The following CMIP variants were observed in gnomAD, a reference collection of about 807,000 sequenced individuals.
CMIP encodes the protein c-Maf inducing protein.
A neutral mutation model predicts 97.3 loss-of-function variants in CMIP; 13 were observed. The observed-to-expected ratio is 0.13, with a 90% CI of 0.09 to 0.21. The LOEUF (loss-of-function observed/expected upper bound fraction) is 0.21, where lower values mean the gene tolerates loss of function less well. Among genes scored for constraint, CMIP ranks in the 10% least tolerant of loss-of-function variants. The pLI, the probability that CMIP is intolerant of heterozygous loss-of-function variation, is 1.00. For synonymous variants in CMIP, 538 were observed against 436.3 expected (o/e 1.23, Z -2.91); for missense variants, 847 against 1,024.9 (o/e 0.83, Z 2.37).
At chr16:81,686,773 G>A (rs1228613927) in intron 10 of CMIP, among the ~76,000 whole-genome samples, 1 of 152,104 alleles carries the variant, frequency 6.6e-6, no homozygotes, top group Non-Finnish European at 1.5e-5. Flanking sequence ...GTGAACATTT[G>A]TACTTGGTGA....
At chr16:81,524,373 G>C (rs1358274311) in intron 1 of CMIP, among the ~76,000 whole-genome samples, 2 of 152,238 alleles carry the variant, frequency 1.3e-5, no homozygotes, top group Non-Finnish European at 2.9e-5. Context: ...GATACAGAGA[G>C]AATTATAAGT....
chr16:81,658,370 G>A (rs1055505585), intron 5 of CMIP, among the ~76,000 whole-genome samples: 4 of 152,244 alleles, frequency 2.6e-5, no homozygotes, highest in Admixed American at 2.6e-4. Context: ...GCACCTGCTA[G>A]ATGGTAAGCA....
chr16:81,472,652 G>A (rs1392971444), intron 1 of CMIP, among the ~76,000 whole-genome samples: 3 of 152,226 alleles, frequency 2.0e-5, no homozygotes, highest in African/African-American at 7.2e-5. Flanking sequence ...TTCAGAGGTG[G>A]CAGGTGCTAG....
At chr16:81,467,557 C>T (rs530247006) in intron 1 of CMIP, among the ~76,000 whole-genome samples, 5 of 151,808 alleles carry the variant, frequency 3.3e-5, no homozygotes, top group Non-Finnish European at 7.4e-5. Flanking sequence ...TTCTCTTTTG[C>T]TCCTTTATTT....
At chr16:81,637,070 A>C (rs934279031) in intron 3 of CMIP, among the ~76,000 whole-genome samples, 1 of 151,496 alleles carries the variant, frequency 6.6e-6, no homozygotes, top group Non-Finnish European at 1.5e-5. Context: ...GTTTCTGGTC[A>C]CCTTTTTTAT....
At chr16:81,648,075 G>T (rs1187699141) in intron 3 of CMIP, among the ~76,000 whole-genome samples, 1 of 148,998 alleles carries the variant, frequency 6.7e-6, no homozygotes, top group Non-Finnish European at 1.5e-5. Context: ...TGGTTACCTG[G>T]CCTCCACTCT....
chr16:81,679,457 A>G (rs1432034503), intron 10 of CMIP, among the ~76,000 whole-genome samples: 1 of 152,074 alleles, frequency 6.6e-6, no homozygotes, highest in Non-Finnish European at 1.5e-5. Context: ...TGAGCCATGC[A>G]TGCCGTGTGT....
intron 3 of CMIP, among the ~76,000 whole-genome samples, chr16:81,622,485 T>C (rs1435545073): frequency 6.6e-6 from 1 of 151,992 alleles, no homozygotes; most frequent in East Asian, 1.9e-4. Context: ...CCAAAGCAGT[T>C]GAGAGGGAGG....
intron 1 of CMIP, among the ~76,000 whole-genome samples, chr16:81,543,766 G>A (rs767512025): frequency 6.6e-6 from 1 of 152,130 alleles, no homozygotes; most frequent in African/African-American, 2.4e-5. Flanking sequence ...TTTTTATTTG[G>A]CTCAGGCAGT....
intron 1 of CMIP, among the ~76,000 whole-genome samples, chr16:81,546,028 C>G (rs952264440): frequency 3.3e-5 from 5 of 152,208 alleles, no homozygotes; most frequent in African/African-American, 1.2e-4. Flanking sequence ...AAATGGCGCT[C>G]GCTGTGAATA....
At position 81,526,010 on chromosome 16, in the gene CMIP, G is replaced by C. The variant is rs62046594; in HGVS notation, c.300+80469G>C. Reference sequence around the variant, plus strand: ...TGTGTGTGTGTGTGTGTGTGTGTCTGTGTGTGTGTGTGTGTTCGTCCATTC... The same window carrying C: ...TGTGTGTGTGTGTGTGTGTGTGTCTCTGTGTGTGTGTGTGTTCGTCCATTC... On this transcript the variant is annotated intron_variant, in intron 1 of 20. Coordinates refer to ENST00000537098, the MANE Select transcript of CMIP (RefSeq NM_198390.3). Among the ~76,000 whole-genome samples the C allele has an allele frequency of 5.7e-4, 3 of 5,268 alleles. No homozygotes were observed. The African/African-American group carries it at 7.1e-3, about 12-fold the overall frequency. The allele number at this position is 5,268 out of a possible 152,430, so 3.5% of individuals were successfully genotyped here. A position where few individuals can be genotyped will look rare whatever the true frequency, so the allele number is the denominator to read the frequency against.
intron 6 of CMIP, among the ~76,000 whole-genome samples, chr16:81,662,517 A>G (rs2092558321): frequency 1.3e-5 from 2 of 152,020 alleles, no homozygotes; most frequent in African/African-American, 4.8e-5. Context: ...TTCTTTGGCT[A>G]TTTTGCCTCT....
chr16:81,681,406 G>C (rs1456061617), intron 10 of CMIP, among the ~76,000 whole-genome samples: 1 of 152,176 alleles, frequency 6.6e-6, no homozygotes, highest in Non-Finnish European at 1.5e-5. Flanking sequence ...AGTCTCACCC[G>C]TGCCACATAC....
chr16:81,476,901 A>T (rs547244583), intron 1 of CMIP, among the ~76,000 whole-genome samples: 1 of 152,122 alleles, frequency 6.6e-6, no homozygotes, highest in East Asian at 1.9e-4. Context: ...CAGGCTCCCT[A>T]AGGATCTTTA....
At chr16:81,523,640 G>T (rs1184811534) in intron 1 of CMIP, among the ~76,000 whole-genome samples, 2 of 152,146 alleles carry the variant, frequency 1.3e-5, no homozygotes, top group Non-Finnish European at 2.9e-5. Context: ...CCCCCTTCCC[G>T]CGAAAAGCCA....
intron 1 of CMIP, among the ~76,000 whole-genome samples, chr16:81,584,520 CCT>C (rs1252503724): frequency 1.3e-5 from 2 of 152,028 alleles, no homozygotes; most frequent in Non-Finnish European, 2.9e-5. Context: ...TCAGAATGAC[CCT>C]GTTTTTACCT....
intron 6 of CMIP, among the ~76,000 whole-genome samples, chr16:81,662,873 A>G (rs561220990): frequency 6.6e-6 from 1 of 152,308 alleles, no homozygotes; most frequent in African/African-American, 2.4e-5. Context: ...AGAATTTTCA[A>G]CACCCTGGTG....
chr16:81,680,550 C>G (rs984101899), intron 10 of CMIP, among the ~76,000 whole-genome samples: 18 of 152,234 alleles, frequency 1.2e-4, no homozygotes, highest in African/African-American at 4.1e-4. Context: ...GGGTTCAGGA[C>G]CAGCCCCGCC....
chr16:81,457,139 G>C (rs1906599368), intron 1 of CMIP, among the ~76,000 whole-genome samples: 2 of 151,828 alleles, frequency 1.3e-5, no homozygotes, highest in African/African-American at 4.8e-5. Flanking sequence ...CTGACCTTTG[G>C]CACACGCCTC....
Sources: allele counts gnomAD v4.1 joint callset (sites outside exome capture counted in the v4.1 genomes callset), GRCh38; gene constraint gnomAD v4.1.1; transcripts MANE v1.5; gene names NCBI Gene and HGNC (gene_info 2026-07-23, HGNC 2026-07-21).